Variants in MTHFD2L observed in about 807,000 individuals in gnomAD.
MTHFD2L encodes the protein bifunctional methylenetetrahydrofolate dehydrogenase/cyclohydrolase 2, mitochondrial.
A neutral mutation model predicts 34.9 loss-of-function variants in MTHFD2L; 29 were observed. That is an observed-to-expected ratio of 0.83 (90% confidence interval 0.62 to 1.13). MTHFD2L has a LOEUF of 1.13. Ranked by LOEUF, MTHFD2L falls within the 50% of genes most tolerant of loss-of-function variation. MTHFD2L has a pLI of 0.00. For synonymous variants in MTHFD2L, 167 were observed against 155.7 expected, an observed-to-expected ratio of 1.07 and a Z score of -0.54; for missense variants, 481 against 446.5, an observed-to-expected ratio of 1.08 and a Z score of -0.70.
intron 1 of MTHFD2L, among the ~76,000 whole-genome samples, chr4:74,132,463 T>A (rs894459719): frequency 1.1e-4 from 16 of 152,104 alleles, no homozygotes; most frequent in African/African-American, 3.9e-4. Flanking sequence ...CTAGAAACCA[T>A]CATTCTCAGC....
At chr4:74,285,726 C>T (rs1748091244) in intron 7 of MTHFD2L, among the ~76,000 whole-genome samples, 1 of 152,102 alleles carries the variant, frequency 6.6e-6, no homozygotes, top group African/African-American at 2.4e-5. Context: ...ACTAAAATTG[C>T]TTTGCACTGT....
intron 2 of MTHFD2L, among the ~76,000 whole-genome samples, chr4:74,116,699 A>G (rs1438861443): frequency 6.6e-6 from 1 of 152,230 alleles, no homozygotes; most frequent in African/African-American, 2.4e-5. Context: ...CTGTGACCCT[A>G]GTGACTAGTA....
intron 4 of MTHFD2L, 81 bp from the exon 5 acceptor site, chr4:74,201,182 G>A: frequency 1.0e-6 from 1 of 962,116 alleles, no homozygotes; most frequent in Non-Finnish European, 1.6e-6. Context: ...ATTTTTAAAA[G>A]AATGTTTCAG....
intron 1 of MTHFD2L, among the ~76,000 whole-genome samples, chr4:74,164,340 A>G (rs1333399700): frequency 1.3e-5 from 2 of 152,152 alleles, no homozygotes; most frequent in African/African-American, 4.8e-5. Context: ...TTTTTTGTGG[A>G]AGAGTATTTT....
chr4:74,274,939 G>A (rs1746422890), intron 6 of MTHFD2L, among the ~76,000 whole-genome samples: 1 of 152,194 alleles, frequency 6.6e-6, no homozygotes, highest in Non-Finnish European at 1.5e-5. Context: ...TTCAAAGCAA[G>A]TCTTTATTTT....
Position 74,301,745 on chromosome 4 carries a change from G to A in MTHFD2L, c.980G>A (p.Gly327Glu). 6.2e-7 allele frequency: 1 copy of A among 1,607,838 alleles called. No individual in the cohort carries two copies. The highest frequency in any genetic ancestry group is 8.5e-7 in the Non-Finnish European group (1 of 1,176,720). ...GFITPVPGGV[G>E]PMTVAMLLKN... ...ATCACTCCAGTTCCAGGAGGTGTGG[G>A]ACCCATGACAGTGGCAATGCTTCTG... The change falls in exon 8 of 8, where the codon GGA becomes GAA. Residue 327 changes from glycine (G) to glutamate (E), a missense_variant. By Grantham distance (98) the Gly-to-Glu change is moderately conservative (BLOSUM62 -2). Coordinates refer to ENST00000325278, the MANE Select transcript of MTHFD2L (RefSeq NM_001144978.3).
At chr4:74,236,210 C>A (rs1378738425) in intron 6 of MTHFD2L, among the ~76,000 whole-genome samples, 1 of 152,140 alleles carries the variant, frequency 6.6e-6, no homozygotes, top group Non-Finnish European at 1.5e-5. Context: ...CCTATTATAT[C>A]TTCACAGCAC....
intron 1 of MTHFD2L, among the ~76,000 whole-genome samples, chr4:74,134,435 T>C (rs772969343): frequency 6.6e-6 from 1 of 152,160 alleles, no homozygotes; most frequent in African/African-American, 2.4e-5. Context: ...CATAGGCTTA[T>C]GGCGCCATCT....
chr4:74,297,997 A>G (rs1283854752), intron 7 of MTHFD2L, among the ~76,000 whole-genome samples: 1 of 152,032 alleles, frequency 6.6e-6, no homozygotes, highest in Non-Finnish European at 1.5e-5. Context: ...ATATATTAAC[A>G]CTAGCCAGCA....
chr4:74,249,095 A>C (rs1195161877), intron 6 of MTHFD2L, among the ~76,000 whole-genome samples: 1 of 152,092 alleles, frequency 6.6e-6, no homozygotes, highest in Non-Finnish European at 1.5e-5. Context: ...AAAGTCTCCC[A>C]TTATTAATGT....
At chr4:74,134,959 C>A (rs1722804286) in intron 1 of MTHFD2L, among the ~76,000 whole-genome samples, 1 of 151,892 alleles carries the variant, frequency 6.6e-6, no homozygotes, top group Admixed American at 6.6e-5. Flanking sequence ...AGGCCACTTA[C>A]AAGATATAGA....
chr4:74,156,492 A>T (rs1724268691), upstream of MTHFD2L: 1 of 152,172 alleles, frequency 6.6e-6, no homozygotes, highest in Admixed American at 6.5e-5. Flanking sequence ...TGGTTTCTGG[A>T]GAATATGAAT....
At chr4:74,143,225 G>C (rs1485409648) in intron 1 of MTHFD2L, among the ~76,000 whole-genome samples, 1 of 75,260 alleles carries the variant, frequency 1.3e-5, no homozygotes, top group Non-Finnish European at 2.6e-5. Flanking sequence ...GAGCTTAATG[G>C]TGACCAAGAG....
At chr4:74,188,000 T>C (rs1284952869) in intron 3 of MTHFD2L, among the ~76,000 whole-genome samples, 1 of 152,224 alleles carries the variant, frequency 6.6e-6, no homozygotes, top group Non-Finnish European at 1.5e-5. Context: ...TAAACTGTGA[T>C]ATTCCATACA....
chr4:74,209,609 G>A (rs1448493259), intron 5 of MTHFD2L, among the ~76,000 whole-genome samples: 1 of 152,152 alleles, frequency 6.6e-6, no homozygotes, highest in African/African-American at 2.4e-5. Flanking sequence ...GGGCATTTGG[G>A]TTGGTTCCAA....
intron 4 of MTHFD2L, among the ~76,000 whole-genome samples, chr4:74,200,417 A>C (rs1734232117): frequency 6.6e-6 from 1 of 152,190 alleles, no homozygotes; most frequent in Non-Finnish European, 1.5e-5. Flanking sequence ...AACTTATAGG[A>C]AGTGAATTTT....
chr4:74,131,932 A>G (rs577367020), intron 1 of MTHFD2L, among the ~76,000 whole-genome samples: 2 of 152,250 alleles, frequency 1.3e-5, no homozygotes, highest in African/African-American at 4.8e-5. Flanking sequence ...GAAGGATGTG[A>G]ACAGACACTT....
chr4:74,151,887 T>C (rs1230092324), intron 1 of MTHFD2L, among the ~76,000 whole-genome samples: 2 of 152,210 alleles, frequency 1.3e-5, no homozygotes, highest in Non-Finnish European at 2.9e-5. Context: ...AGGTTCATTG[T>C]TAGGAATGCT....
intron 1 of MTHFD2L, among the ~76,000 whole-genome samples, chr4:74,172,859 A>G (rs1304006514): frequency 6.6e-6 from 1 of 152,180 alleles, no homozygotes; most frequent in Non-Finnish European, 1.5e-5. Flanking sequence ...ATTTTCGATC[A>G]AGTTCTACCT....
Sources: gnomAD v4.1 joint callset for allele counts (sites outside exome capture counted in the v4.1 genomes callset) on GRCh38, gnomAD v4.1.1 for gene constraint, MANE v1.5 for transcripts, NCBI Gene and HGNC (gene_info 2026-07-23, HGNC 2026-07-21) for gene names.